Variants in TNIP3 observed in about 807,000 individuals in gnomAD.
TNIP3 encodes TNFAIP3-interacting protein 3.
A neutral mutation model predicts 54.1 loss-of-function variants in TNIP3; 34 were observed. The observed-to-expected ratio is 0.63, with a 90% CI of 0.48 to 0.84. The LOEUF (loss-of-function observed/expected upper bound fraction) is 0.84. Among genes scored for constraint, TNIP3 ranks in the 40% least tolerant of loss-of-function variants. The probability of loss-of-function intolerance (pLI) is 0.00; values close to 1 mark genes in which losing one functional copy is unlikely to be tolerated. For missense variants in TNIP3, 366 were observed against 387.6 expected (o/e 0.94, Z 0.47); for synonymous variants, 134 against 136.8 (o/e 0.98, Z 0.14).
upstream of TNIP3, among the ~76,000 whole-genome samples, chr4:121,221,395 C>T (rs1402272963): frequency 3.3e-5 from 5 of 152,020 alleles, no homozygotes; most frequent in African/African-American, 7.2e-5. Flanking sequence ...AAGCAGATCA[C>T]GTGACTATAA....
chr4:121,146,458 T>C (rs1214224757), intron 7 of TNIP3, among the ~76,000 whole-genome samples: 1 of 152,200 alleles, frequency 6.6e-6, no homozygotes, highest in African/African-American at 2.4e-5. Context: ...CATCACTATT[T>C]ACCCATCGTG....
At chr4:121,142,408 A>C (rs1045106796) in intron 8 of TNIP3, among the ~76,000 whole-genome samples, 5 of 152,226 alleles carry the variant, frequency 3.3e-5, no homozygotes, top group Non-Finnish European at 7.3e-5. Context: ...TATTTGATTT[A>C]GTTTTCTACT....
Position 121,161,209 on chromosome 4 carries a change from T to C in TNIP3, c.74A>G (p.Glu25Gly), listed in dbSNP as rs2148815094. 6.3e-7 allele frequency: 1 copy of C among 1,574,906 alleles called. No homozygotes were observed. Among genetic ancestry groups the C allele is most frequent in the South Asian group, 1.2e-5 (1 of 86,142 alleles). ...CATCAAGTTCTTTCTTGTTGATGGT[T>C]CAGCACACTTAGAAAAAAAAAAAGA... ...ESSTEHKECA[E>G]PSTRKNLMNS... The change falls in exon 2 of 11, where the codon GAA (glutamate) becomes GGA (glycine). Residue 25 changes from glutamate to glycine, a missense_variant. Transcript: ENST00000057513.
At chr4:121,215,969 C>A (rs1646031895) in intron 2 of TNIP3, among the ~76,000 whole-genome samples, 1 of 151,684 alleles carries the variant, frequency 6.6e-6, no homozygotes, top group Non-Finnish European at 1.5e-5. Flanking sequence ...TGGAAAGCGC[C>A]TAAGTAAGGG....
intron 2 of TNIP3, among the ~76,000 whole-genome samples, chr4:121,199,106 C>G (rs528415323): frequency 2.6e-5 from 4 of 152,056 alleles, no homozygotes; most frequent in Non-Finnish European, 5.9e-5. Context: ...CATGGCAGGT[C>G]CAGCTGAAAG....
At chr4:121,224,527 G>A (rs577258710) in intron 1 of TNIP3, among the ~76,000 whole-genome samples, 1 of 152,068 alleles carries the variant, frequency 6.6e-6, no homozygotes, top group Non-Finnish European at 1.5e-5. Context: ...TCATGGTTAT[G>A]TTTTTTGATA....
intron 2 of TNIP3, among the ~76,000 whole-genome samples, chr4:121,213,419 A>T (rs1726585330): frequency 6.6e-6 from 1 of 151,832 alleles, no homozygotes; most frequent in South Asian, 2.1e-4. Context: ...TGCATAATCC[A>T]TTTTTTTTAA....
At chr4:121,184,871 G>C (rs181563803) in intron 2 of TNIP3, among the ~76,000 whole-genome samples, 1 of 152,222 alleles carries the variant, frequency 6.6e-6, no homozygotes, top group African/African-American at 2.4e-5. Flanking sequence ...CCTATCTTCA[G>C]GTTTTTTCCA....
chr4:121,153,993 A>T (rs1280733360), intron 5 of TNIP3, among the ~76,000 whole-genome samples: 1 of 151,732 alleles, frequency 6.6e-6, no homozygotes, highest in East Asian at 1.9e-4. Context: ...GAACTAGTCC[A>T]TAAAACAACA....
chr4:121,199,229 C>T (rs904832157), intron 2 of TNIP3, among the ~76,000 whole-genome samples: 2 of 152,032 alleles, frequency 1.3e-5, no homozygotes, highest in East Asian at 1.9e-4. Flanking sequence ...GAAATGGTGG[C>T]GATACAACTT....
intron 3 of TNIP3, among the ~76,000 whole-genome samples, chr4:121,178,228 T>C (rs575687241): frequency 2.6e-4 from 40 of 152,344 alleles, no homozygotes; most frequent in African/African-American, 9.6e-4. Flanking sequence ...GAAAATTGTT[T>C]AGCTGCATTG....
rs149630754 is a variant in TNIP3, at chr4:121,213,888, A to G, written c.68+2527T>C. Among the ~76,000 whole-genome samples the G allele has an allele frequency of 4.1e-3, 632 of 152,340 alleles. 1 individual carries two copies. The highest frequency in any genetic ancestry group is 6.2e-3 in the Non-Finnish European group (422 of 68,030). Reference sequence around the variant, plus strand: ...ATACATGTTGAGTGGGACTGCTTTCATAATAACAATATACTTCAAAACTGT... The same window carrying G: ...ATACATGTTGAGTGGGACTGCTTTCGTAATAACAATATACTTCAAAACTGT... On this transcript the variant is annotated intron_variant, in intron 2 of 12. Transcript: ENST00000507879.
At chr4:121,225,660 C>A (rs969280377) in intron 1 of TNIP3, among the ~76,000 whole-genome samples, 1 of 152,138 alleles carries the variant, frequency 6.6e-6, no homozygotes, top group African/African-American at 2.4e-5. Flanking sequence ...TGTTAAAGAG[C>A]AATTTTTAAA....
chr4:121,150,286 G>T, intron 5 of TNIP3, 67 bp from the exon 6 acceptor site: 1 of 982,766 alleles, frequency 1.0e-6, no homozygotes, highest in Non-Finnish European at 1.5e-6. Flanking sequence ...TTTTATAATT[G>T]TTACAATCAT....
intron 2 of TNIP3, among the ~76,000 whole-genome samples, chr4:121,208,375 C>G (rs1726298247): frequency 6.6e-6 from 1 of 152,106 alleles, no homozygotes; most frequent in Non-Finnish European, 1.5e-5. Flanking sequence ...TCGGCTGGAG[C>G]CACCCAGATC....
chr4:121,140,057 C>T (rs992116268), intron 9 of TNIP3, among the ~76,000 whole-genome samples: 11 of 151,332 alleles, frequency 7.3e-5, no homozygotes, highest in Admixed American at 3.3e-4. Flanking sequence ...CCATTCTGGC[C>T]AGGCGCAGTG....
At chr4:121,223,151 C>T (rs527565153) in intron 1 of TNIP3, among the ~76,000 whole-genome samples, 8 of 152,268 alleles carry the variant, frequency 5.3e-5, no homozygotes, top group African/African-American at 1.7e-4. Flanking sequence ...AAACTAGTAA[C>T]GGATCGCTTT....
At position 121,142,734 on chromosome 4, in the gene TNIP3, A is replaced by AT; in HGVS notation, c.777dup (p.Leu260IlefsTer10). The AT allele has an allele frequency of 6.2e-7, 1 of 1,612,094 alleles. No homozygotes were observed. The highest frequency in any genetic ancestry group is 8.5e-7 in the Non-Finnish European group (1 of 1,178,388). On this transcript the variant is annotated frameshift_variant, in exon 8 of 11. Coordinates refer to ENST00000057513, the MANE Select transcript of TNIP3 (RefSeq NM_024873.6). LOFTEE classifies it high-confidence loss of function. ...AAATTAGATCAACATACCTGTTTTA[A>AT]TTGCTTTTCTAGTTTTTCTTTCTCC...
intron 3 of TNIP3, among the ~76,000 whole-genome samples, chr4:121,169,735 C>A (rs1163331224): frequency 6.6e-6 from 1 of 152,138 alleles, no homozygotes; most frequent in Non-Finnish European, 1.5e-5. Flanking sequence ...AGTAAATCAC[C>A]TCTCTTTGAT....
Sources: gnomAD v4.1 joint callset for allele counts (sites outside exome capture counted in the v4.1 genomes callset) on GRCh38, gnomAD v4.1.1 for gene constraint, MANE v1.5 for transcripts, NCBI Gene and HGNC (gene_info 2026-07-23, HGNC 2026-07-21) for gene names.